The following COL4A1 variants were observed in gnomAD, a reference collection of about 807,000 sequenced individuals.
COL4A1 encodes collagen type IV alpha 1 chain, also known as collagen alpha-1(IV) chain.
Under a neutral mutation model 216.6 loss-of-function variants are expected in COL4A1, and 40 were observed. The observed-to-expected ratio is 0.18, with a 90% CI of 0.14 to 0.24. The LOEUF (loss-of-function observed/expected upper bound fraction) is 0.24. COL4A1 is among the 10% of genes least tolerant of loss of function. The pLI, the probability that COL4A1 is intolerant of heterozygous loss-of-function variation, is 1.00. For synonymous variants in COL4A1, 839 were observed against 810.7 expected, an observed-to-expected ratio of 1.03 and a Z score of -0.59; for missense variants, 1,628 against 2,196.8, an observed-to-expected ratio of 0.74 and a Z score of 5.18.
At chr13:110,196,981 C>T (rs190375668) in intron 21 of COL4A1, among the ~76,000 whole-genome samples, 6 of 152,222 alleles carry the variant, frequency 3.9e-5, no homozygotes, top group African/African-American at 1.4e-4. Flanking sequence ...AAAAAGGCCA[C>T]CTAGAAAACC....
rs11838788 is a variant in COL4A1, at chr13:110,212,090, A to G, written c.388-168T>C. ...TGGGTACCACTTTATGAAAGAAGAA[A>G]TAGACTTGATAGTATCATTAATAGG... On this transcript the variant is annotated intron_variant, in intron 6 of 51. Coordinates refer to ENST00000375820, the MANE Select transcript of COL4A1 (RefSeq NM_001845.6). Among the ~76,000 whole-genome samples, 3,425 of 152,294 alleles carry G rather than the reference A, an allele frequency of 0.022. 122 individuals carry two copies. Among genetic ancestry groups the G allele is most frequent in the African/African-American group, 0.079 (3,290 of 41,548 alleles).
At chr13:110,246,199 A>G (rs763123390) in intron 1 of COL4A1, among the ~76,000 whole-genome samples, 10 of 152,096 alleles carry the variant, frequency 6.6e-5, no homozygotes, top group Non-Finnish European at 1.2e-4. Flanking sequence ...ACAAACAAAT[A>G]TCCTAAGATG....
chr13:110,169,875 C>G, intron 42 of COL4A1, 113 bp from the exon 43 acceptor site: 1 of 1,251,786 alleles, frequency 8.0e-7, no homozygotes, highest in Non-Finnish European at 1.1e-6. Context: ...AACACTGGAC[C>G]AACAGTGACA....
At chr13:110,167,114 TCTG>T in intron 44 of COL4A1, 41 bp downstream of exon 44, 1 of 1,547,460 alleles carries the variant, frequency 6.5e-7, no homozygotes, top group Non-Finnish European at 8.9e-7. Flanking sequence ...TCACACAGCG[TCTG>T]CTGCTGCAAA....
intron 49 of COL4A1, among the ~76,000 whole-genome samples, chr13:110,159,336 A>G (rs1321888627): frequency 6.6e-6 from 1 of 152,200 alleles, no homozygotes. Context: ...TGTATAAAGC[A>G]CAGATATACA....
intron 1 of COL4A1, among the ~76,000 whole-genome samples, chr13:110,264,678 T>C (rs1882952858): frequency 6.6e-6 from 1 of 152,198 alleles, no homozygotes; most frequent in Non-Finnish European, 1.5e-5. Context: ...GCCCAGTGAA[T>C]CAAAAGTATT....
intron 1 of COL4A1, among the ~76,000 whole-genome samples, chr13:110,257,409 G>A (rs941716346): frequency 1.3e-5 from 2 of 152,276 alleles, no homozygotes; most frequent in South Asian, 2.1e-4. Context: ...GGAAGATAAC[G>A]GCTGGTAAAC....
At chr13:110,159,004 A>G (rs1040032504) in intron 49 of COL4A1, among the ~76,000 whole-genome samples, 3 of 152,318 alleles carry the variant, frequency 2.0e-5, no homozygotes. Context: ...TGGCCTCCCA[A>G]AGTGCTGGGA....
At chr13:110,176,822 C>G (rs199775408) in intron 34 of COL4A1, 63 bp downstream of exon 34, 1 of 1,613,770 alleles carries the variant, frequency 6.2e-7, no homozygotes, top group Non-Finnish European at 8.5e-7. Context: ...ATGGAGGACC[C>G]GATAACCCAG....
intron 50 of COL4A1, among the ~76,000 whole-genome samples, 185 bp downstream of exon 50, chr13:110,155,098 G>A (rs954618334): frequency 2.0e-5 from 3 of 152,236 alleles, no homozygotes; most frequent in African/African-American, 7.2e-5. Context: ...GGAGACCCCT[G>A]CTGTCACCAG....
In COL4A1 at chr13:110,293,761, G is replaced by A. The variant is rs575901652; in HGVS notation, c.84+13183C>T. Among the ~76,000 whole-genome samples, 24 of 152,300 alleles carry A rather than the reference G, an allele frequency of 1.6e-4. No homozygotes were observed. The East Asian group carries it at 2.9e-3, about 18-fold the overall frequency. ...CTGTAACCTAGCACACTTCATCAGAGCTTTTCACATTATACCCTTTCCCTT... is the reference window on the plus strand; with the variant it reads ...CTGTAACCTAGCACACTTCATCAGAACTTTTCACATTATACCCTTTCCCTT... On this transcript the variant is annotated intron_variant, in intron 1 of 51. Transcript: ENST00000375820.
chr13:110,287,268 T>A (rs1275413061), intron 1 of COL4A1, among the ~76,000 whole-genome samples: 1 of 152,202 alleles, frequency 6.6e-6, no homozygotes, highest in Non-Finnish European at 1.5e-5. Flanking sequence ...TTAGGCCGCA[T>A]GACATCTCAG....
chr13:110,269,467 T>C (rs9555680), intron 1 of COL4A1, among the ~76,000 whole-genome samples: 5,002 of 152,220 alleles, frequency 0.033, 219 homozygotes, highest in East Asian at 0.23. Context: ...ATGAAGTACA[T>C]TGGGAATTAT....
intron 2 of COL4A1, among the ~76,000 whole-genome samples, chr13:110,226,573 T>C (rs1283523918): frequency 1.3e-5 from 2 of 152,204 alleles, no homozygotes; most frequent in Admixed American, 6.5e-5. Context: ...AGATATACAA[T>C]TGCCAGGTTA....
rs948476005 is a variant in COL4A1 at position 110,268,979 on chromosome 13, G to A, written c.85-26245C>T. Reference sequence around the variant, plus strand: ...GCCGAACCTCCGCGCACCTCCACACGCCTTGCAGCACCACGGCCCACCTCT... The same window carrying A: ...GCCGAACCTCCGCGCACCTCCACACACCTTGCAGCACCACGGCCCACCTCT... On this transcript the variant is annotated intron_variant, in intron 1 of 51. Transcript: ENST00000375820. This position sits in a 1 kb window ranked among gnomAD's most constrained non-coding sequence, Gnocchi z 4.1. Among the ~76,000 whole-genome samples the A allele has an allele frequency of 3.5e-4, 53 of 151,934 alleles. No homozygotes were observed. The highest frequency in any genetic ancestry group is 1.1e-3 in the African/African-American group (47 of 41,358).
intron 1 of COL4A1, among the ~76,000 whole-genome samples, chr13:110,306,600 G>T (rs12427430): frequency 0.15 from 22,148 of 152,214 alleles, 1,804 homozygotes; most frequent in East Asian, 0.28. Context: ...CACCCGGGAC[G>T]GGTGAAGGCG....
intron 23 of COL4A1, 87 bp from the exon 24 acceptor site, chr13:110,192,371 A>C: frequency 7.8e-7 from 1 of 1,273,968 alleles, no homozygotes; most frequent in Non-Finnish European, 1.1e-6. Context: ...AAAGCATAAA[A>C]ATCTGTATAG....
intron 1 of COL4A1, among the ~76,000 whole-genome samples, chr13:110,256,204 G>C (rs1338120982): frequency 6.6e-6 from 1 of 152,100 alleles, no homozygotes; most frequent in African/African-American, 2.4e-5. Flanking sequence ...TTCAAGAGTT[G>C]TCCTGGGCCC....
At chr13:110,177,635 C>T (rs1444603452) in intron 33 of COL4A1, among the ~76,000 whole-genome samples, 1 of 152,026 alleles carries the variant, frequency 6.6e-6, no homozygotes, top group Non-Finnish European at 1.5e-5. Context: ...TTCTGATTTG[C>T]TTGGCCAAGC....
Sources: allele counts gnomAD v4.1 joint callset (sites outside exome capture counted in the v4.1 genomes callset), GRCh38; gene constraint gnomAD v4.1.1; non-coding constraint Gnocchi (gnomAD v3.1); transcripts MANE v1.5; gene names NCBI Gene and HGNC (gene_info 2026-07-23, HGNC 2026-07-21).